CPED1: variants seen among roughly 807,000 people sequenced by gnomAD.
CPED1 encodes cadherin-like and PC-esterase domain-containing protein 1.
In CPED1, 114 loss-of-function variants were observed where a neutral mutation model predicts 128.2. That is an observed-to-expected ratio of 0.89 (90% CI 0.76 to 1.04). CPED1 has a LOEUF of 1.04. Among genes scored for constraint, CPED1 ranks in the 50% least tolerant of loss-of-function variants. The probability of loss-of-function intolerance (pLI) is 0.00; values close to 1 mark genes in which losing one functional copy is unlikely to be tolerated. For synonymous variants in CPED1, 462 were observed against 426.7 expected (o/e 1.08, Z -1.02); for missense variants, 1,211 against 1,207.1 (o/e 1.00, Z -0.05).
At chr7:121,227,646 G>A (rs1029987875) in intron 16 of CPED1, among the ~76,000 whole-genome samples, 6 of 152,086 alleles carry the variant, frequency 3.9e-5, no homozygotes, top group Non-Finnish European at 8.8e-5. Flanking sequence ...TCTAAAGTGA[G>A]ATGAACCTCC....
chr7:121,043,922 C>T (rs1433304328), intron 3 of CPED1, among the ~76,000 whole-genome samples: 1 of 152,210 alleles, frequency 6.6e-6, no homozygotes, highest in Non-Finnish European at 1.5e-5. Context: ...GCAATCTCTG[C>T]TGGAGACCTT....
At chr7:121,201,759 C>T (rs1022580719) in intron 16 of CPED1, among the ~76,000 whole-genome samples, 8 of 151,950 alleles carry the variant, frequency 5.3e-5, no homozygotes, top group African/African-American at 1.7e-4. Context: ...TTTCATCTTC[C>T]GTCCTCCTCT....
At chr7:121,064,352 G>C (rs1363148678) in intron 5 of CPED1, 39 bp downstream of exon 5, 1 of 1,390,014 alleles carries the variant, frequency 7.2e-7, no homozygotes, top group Non-Finnish European at 1.0e-6. Context: ...AAACATGTGA[G>C]ATATGCAGGC....
chr7:121,121,777 A>G (rs907529151), intron 7 of CPED1, among the ~76,000 whole-genome samples: 2 of 152,184 alleles, frequency 1.3e-5, no homozygotes, highest in African/African-American at 4.8e-5. Flanking sequence ...TTCTGGTGGC[A>G]TTTGAATGGA....
At chr7:121,258,059 C>A (rs541681254) in intron 18 of CPED1, among the ~76,000 whole-genome samples, 2 of 152,126 alleles carry the variant, frequency 1.3e-5, no homozygotes, top group African/African-American at 4.8e-5. Context: ...GCCTAAGCTA[C>A]AGTTCTGATC....
chr7:121,151,663 A>C (rs1454996104), intron 16 of CPED1, among the ~76,000 whole-genome samples: 1 of 152,232 alleles, frequency 6.6e-6, no homozygotes, highest in African/African-American at 2.4e-5. Flanking sequence ...ACAGGCTTGA[A>C]AAGTGGTTAT....
intron 3 of CPED1, among the ~76,000 whole-genome samples, chr7:121,028,554 A>C (rs972095687): frequency 6.6e-6 from 1 of 152,216 alleles, no homozygotes; most frequent in Admixed American, 6.5e-5. Context: ...TAGCACAAGC[A>C]GCTGAATTTA....
At chr7:121,206,536 A>G (rs1230971065) in intron 16 of CPED1, among the ~76,000 whole-genome samples, 2 of 152,032 alleles carry the variant, frequency 1.3e-5, no homozygotes, top group Non-Finnish European at 2.9e-5. Flanking sequence ...TGTATGTAAT[A>G]AATCACTGCA....
At chr7:121,201,388 C>T (rs529387570) in intron 16 of CPED1, among the ~76,000 whole-genome samples, 106 of 151,588 alleles carry the variant, frequency 7.0e-4, no homozygotes, top group Non-Finnish European at 1.2e-3. Context: ...GCCAAGATCA[C>T]GCCACTGCAC....
chr7:121,060,084 G>A (rs969212577), intron 4 of CPED1, among the ~76,000 whole-genome samples: 5 of 152,194 alleles, frequency 3.3e-5, no homozygotes, highest in Non-Finnish European at 7.4e-5. Flanking sequence ...CGGCCCTGCC[G>A]GCCCGGGCAA....
At chr7:121,081,785 T>C (rs1317551234) in intron 5 of CPED1, among the ~76,000 whole-genome samples, 1 of 152,024 alleles carries the variant, frequency 6.6e-6, no homozygotes, top group Non-Finnish European at 1.5e-5. Flanking sequence ...CTTTATGATT[T>C]ATGCTGCAGG....
intron 3 of CPED1, among the ~76,000 whole-genome samples, chr7:121,036,512 TTTTTTC>T (rs199796868): frequency 3.5e-5 from 5 of 140,942 alleles, no homozygotes; most frequent in Non-Finnish European, 3.0e-5. Context: ...TATATATTTT[TTTTTTC>T]TTTCTTTATC....
chr7:121,212,279 G>C (rs1269089081), intron 16 of CPED1, among the ~76,000 whole-genome samples: 1 of 152,010 alleles, frequency 6.6e-6, no homozygotes, highest in Non-Finnish European at 1.5e-5. Context: ...GCTAAGGACT[G>C]AATTGCAAGC....
intron 7 of CPED1, among the ~76,000 whole-genome samples, chr7:121,108,954 C>A (rs1183719321): frequency 6.6e-6 from 1 of 152,110 alleles, no homozygotes; most frequent in Non-Finnish European, 1.5e-5. Context: ...ACTTACTACA[C>A]AATACCAGTT....
intron 3 of CPED1, among the ~76,000 whole-genome samples, chr7:121,032,979 C>T (rs1330210989): frequency 1.3e-5 from 2 of 152,158 alleles, no homozygotes; most frequent in African/African-American, 4.8e-5. Context: ...AAAGCATACA[C>T]GTTAGGATCC....
In CPED1 at chr7:121,084,163, C is replaced by T. The variant is rs185072537; in HGVS notation, c.617-13536C>T. ...CTTCCCCCTAATATCCTGTTACTAA[C>T]CACTACTGAGTCATCATAAAGCAAT... is the stretch of plus-strand genomic sequence containing the variant. On this transcript the variant is annotated intron_variant, in intron 5 of 22. Coordinates refer to ENST00000310396, the MANE Select transcript of CPED1 (RefSeq NM_024913.5). 4.3e-4 allele frequency among the ~76,000 whole-genome samples: 65 copies of T among 152,244 alleles called. No homozygotes were observed. The East Asian group carries it at 8.9e-3, about 21-fold the overall frequency.
intron 18 of CPED1, among the ~76,000 whole-genome samples, chr7:121,260,223 GTTTTTTTTT>G (rs59370305): frequency 0.014 from 1,006 of 70,130 alleles, 8 homozygotes; most frequent in Admixed American, 0.027. Flanking sequence ...CTTGCTTCGC[GTTTTTTTTT>G]TTTTTTTTTT....
intron 16 of CPED1, among the ~76,000 whole-genome samples, chr7:121,149,074 C>T (rs1034137547): frequency 9.2e-5 from 14 of 152,142 alleles, no homozygotes; most frequent in African/African-American, 2.2e-4. Flanking sequence ...TTGTTAAGTG[C>T]CCTTGATTTA....
intron 22 of CPED1, among the ~76,000 whole-genome samples, chr7:121,282,578 A>C (rs530599280): frequency 4.6e-5 from 7 of 152,358 alleles, no homozygotes; most frequent in African/African-American, 1.7e-4. Context: ...AAGTAAAATA[A>C]GGTAATATTT....
Sources: gnomAD v4.1 joint callset for allele counts (sites outside exome capture counted in the v4.1 genomes callset) on GRCh38, gnomAD v4.1.1 for gene constraint, MANE v1.5 for transcripts, NCBI Gene and HGNC (gene_info 2026-07-23, HGNC 2026-07-21) for gene names.